DOCK9: variants seen among roughly 807,000 people sequenced by gnomAD.
DOCK9 encodes the protein dedicator of cytokinesis 9.
A neutral mutation model predicts 263.3 loss-of-function variants in DOCK9; 89 were observed. The ratio of observed to expected loss-of-function variants is 0.34; its 90% CI spans 0.28 to 0.40. The LOEUF (loss-of-function observed/expected upper bound fraction) is 0.40, where lower values mean the gene tolerates loss of function less well. Ranked by LOEUF, DOCK9 falls within the 10% of genes least tolerant of loss-of-function variation. The pLI is 1.00. For synonymous variants in DOCK9, 976 were observed against 973.1 expected (o/e 1.00, Z -0.06); for missense variants, 2,140 against 2,603.4 (o/e 0.82, Z 3.87).
At chr13:98,942,385 C>A (rs1415897204) in intron 2 of DOCK9, among the ~76,000 whole-genome samples, 7 of 151,846 alleles carry the variant, frequency 4.6e-5, no homozygotes, top group Non-Finnish European at 1.0e-4. Context: ...ACTACAGGCA[C>A]CCGCCACCAC....
intron 7 of DOCK9, among the ~76,000 whole-genome samples, chr13:98,919,895 C>A (rs2051610956): frequency 6.6e-6 from 1 of 152,246 alleles, no homozygotes; most frequent in South Asian, 2.1e-4. Context: ...ACCCTTATCC[C>A]AATCCCCTGT....
chr13:98,895,362 G>A (rs1333211875), intron 15 of DOCK9, among the ~76,000 whole-genome samples: 11 of 151,510 alleles, frequency 7.3e-5, no homozygotes, highest in East Asian at 1.9e-4. Flanking sequence ...GGAATAAAAC[G>A]TAAAAAAAAA....
At chr13:98,894,481 T>C (rs117011043) in intron 15 of DOCK9, among the ~76,000 whole-genome samples, 1,827 of 152,196 alleles carry the variant, frequency 0.012, 75 homozygotes, top group Admixed American at 0.077. Context: ...ATATATTTTC[T>C]TTCAAAAAAT....
intron 39 of DOCK9, among the ~76,000 whole-genome samples, chr13:98,836,709 T>C (rs925763083): frequency 6.6e-6 from 1 of 151,958 alleles, no homozygotes. Flanking sequence ...TATATAATAA[T>C]AAAGGGACAC....
intron 2 of DOCK9, among the ~76,000 whole-genome samples, chr13:98,933,185 C>T (rs1053554081): frequency 6.6e-6 from 1 of 152,176 alleles, no homozygotes; most frequent in Non-Finnish European, 1.5e-5. Flanking sequence ...ATTAGGGTCA[C>T]TTCTAGGCCA....
At chr13:98,950,103 G>A in intron 2 of DOCK9, 2 of 501,474 alleles carry the variant, frequency 4.0e-6, no homozygotes, top group South Asian at 2.1e-5. Context: ...AGATACCACT[G>A]AAAATTTTCT....
intron 1 of DOCK9, among the ~76,000 whole-genome samples, chr13:99,011,013 T>A (rs1289899132): frequency 6.6e-6 from 1 of 152,224 alleles, no homozygotes; most frequent in African/African-American, 2.4e-5. Context: ...CACTCCTGCC[T>A]CAGCCTCCTG....
At chr13:98,905,089 A>G in intron 9 of DOCK9, among the ~76,000 whole-genome samples, 1 of 152,368 alleles carries the variant, frequency 6.6e-6, no homozygotes, top group African/African-American at 2.4e-5. Context: ...GGATGCACAG[A>G]CAGACACTGA....
rs747380546 is a variant in DOCK9 at position 98,848,587 on chromosome 13, A to G, written c.4061+5T>C. Reference sequence around the variant, plus strand: ...CACGTTTCGAATGAAAACGCCCCACAGTACCTGGCTATGTATCGCTTCCCC... The same window carrying G: ...CACGTTTCGAATGAAAACGCCCCACGGTACCTGGCTATGTATCGCTTCCCC... On this transcript the variant is annotated splice_donor_5th_base_variant and intron_variant, in intron 37 of 52. Transcript: ENST00000682017. 8.7e-6 allele frequency: 14 copies of G among 1,611,104 alleles called. No homozygotes were observed. Among genetic ancestry groups the G allele is most frequent in the African/African-American group, 5.3e-5 (4 of 74,880 alleles).
At chr13:98,803,009 G>A (rs968675042) in intron 49 of DOCK9, among the ~76,000 whole-genome samples, 3 of 152,180 alleles carry the variant, frequency 2.0e-5, no homozygotes, top group Non-Finnish European at 2.9e-5. Context: ...TTTTACAGAT[G>A]AGGAAACTAA....
intron 1 of DOCK9, among the ~76,000 whole-genome samples, chr13:98,974,342 C>T (rs1430948864): frequency 6.6e-6 from 1 of 152,116 alleles, no homozygotes. Context: ...CATGTGCTTC[C>T]TCCCTCACTT....
chr13:98,939,702 C>T (rs1239991109), intron 2 of DOCK9, among the ~76,000 whole-genome samples: 1 of 152,190 alleles, frequency 6.6e-6, no homozygotes, highest in Non-Finnish European at 1.5e-5. Context: ...ATTCCCTGGG[C>T]CTGGCCCATC....
intron 1 of DOCK9, among the ~76,000 whole-genome samples, chr13:99,046,998 C>T (rs1272363467): frequency 2.6e-5 from 4 of 152,168 alleles, no homozygotes; most frequent in African/African-American, 9.7e-5. Flanking sequence ...GTTTAATCTC[C>T]TATCTCTGAT....
At chr13:98,878,595 C>G (rs2044238615) in intron 27 of DOCK9, among the ~76,000 whole-genome samples, 1 of 152,218 alleles carries the variant, frequency 6.6e-6, no homozygotes, top group Non-Finnish European at 1.5e-5. Flanking sequence ...AGACAATCTG[C>G]TAGATTTTTC....
chr13:99,043,736 GAACT>G (rs1888694371), intron 1 of DOCK9, among the ~76,000 whole-genome samples: 1 of 152,078 alleles, frequency 6.6e-6, no homozygotes, highest in Admixed American at 6.5e-5. Flanking sequence ...TAATGAAGGA[GAACT>G]TACTCCTTTA....
chr13:98,803,465 A>G (rs2090349358), intron 49 of DOCK9, among the ~76,000 whole-genome samples: 1 of 152,222 alleles, frequency 6.6e-6, no homozygotes, highest in African/African-American at 2.4e-5. Flanking sequence ...CCTGTTGAAC[A>G]CAAAGAGCTG....
At position 98,825,924 on chromosome 13, in the gene DOCK9, C is replaced by A; in HGVS notation, c.5023+906G>T. On this transcript the variant is annotated intron_variant, in intron 44 of 52. Transcript: ENST00000682017. The surrounding 1 kb of genome is among the most constrained non-coding windows in gnomAD (Gnocchi z 4.1). ...TATGGCTGTGGGGGAGAAGGGGCGGCTCCCACTGGACTGCTTCTAAACATG... is the reference window on the plus strand; with the variant it reads ...TATGGCTGTGGGGGAGAAGGGGCGGATCCCACTGGACTGCTTCTAAACATG... 1 of 1,552,578 alleles carries A rather than the reference C, an allele frequency of 6.4e-7. No homozygotes were observed. Among genetic ancestry groups the A allele is most frequent in the Non-Finnish European group, 8.7e-7 (1 of 1,148,208 alleles).
chr13:98,877,426 A>G (rs1332644459), intron 27 of DOCK9, among the ~76,000 whole-genome samples: 2 of 152,128 alleles, frequency 1.3e-5, no homozygotes, highest in Non-Finnish European at 2.9e-5. Context: ...GTATTCCTGG[A>G]AGTGTTCGTT....
chr13:98,850,144 A>G lies in DOCK9; in HGVS notation c.3947-31T>C, dbSNP rs141854302. Reference sequence around the variant, plus strand: ...AAATAAACATTTACTTAGAATCACAATACATATGATATACATTATGGAGAA... The same window carrying G: ...AAATAAACATTTACTTAGAATCACAGTACATATGATATACATTATGGAGAA... On this transcript the variant is annotated intron_variant, in intron 35 of 52. Transcript: ENST00000682017. The G allele has an allele frequency of 1.5e-4, 198 of 1,349,294 alleles. No individual in the cohort carries two copies. In the African/African-American group the frequency reaches 2.3e-3, roughly 15 times the overall value. 83.6% of individuals were successfully genotyped at this position (1,349,294 alleles called of 1,614,324 possible).
Sources: allele counts gnomAD v4.1 joint callset (sites outside exome capture counted in the v4.1 genomes callset), GRCh38; gene constraint gnomAD v4.1.1; non-coding constraint Gnocchi (gnomAD v3.1); transcripts MANE v1.5; gene names NCBI Gene and HGNC (gene_info 2026-07-23, HGNC 2026-07-21).